DLGAP1: variants seen among roughly 807,000 people sequenced by gnomAD.
The protein encoded by DLGAP1 is DLG associated protein 1, also known as disks large-associated protein 1.
DLGAP1 carries 11 observed loss-of-function variants against 90.8 expected under a neutral mutation model. That is an observed-to-expected ratio of 0.12 (90% CI 0.08 to 0.20). The LOEUF (loss-of-function observed/expected upper bound fraction) is 0.20. Among genes scored for constraint, DLGAP1 ranks in the 10% least tolerant of loss-of-function variants. The pLI, the probability that DLGAP1 is intolerant of heterozygous loss-of-function variation, is 1.00. For missense variants in DLGAP1, 1,050 were observed against 1,333.8 expected (o/e 0.79, Z 3.31); for synonymous variants, 558 against 540.7 (o/e 1.03, Z -0.44).
chr18:4,382,050 C>T (rs2082134562), intron 1 of DLGAP1, among the ~76,000 whole-genome samples: 1 of 152,254 alleles, frequency 6.6e-6, no homozygotes, highest in East Asian at 1.9e-4. Flanking sequence ...GACTTGCCCC[C>T]ATGATTCAAT....
rs1236397671 is a variant in DLGAP1, at chr18:3,772,380, CTT to C, written c.1173-29870_1173-29869del. Among the ~76,000 whole-genome samples, 169 of 29,224 alleles carry C rather than the reference CTT, an allele frequency of 5.8e-3. 17 individuals are homozygous for C. In the South Asian group the frequency reaches 0.078, roughly 14 times the overall value. 19.2% of individuals were successfully genotyped at this position (29,224 alleles called of 152,430 possible). Reference sequence around the variant, plus strand: ...TCTTTCTTTCTTTCTTTCTTTCTTTCTTTCTTTCTTTCTTTCTTTCTTTCTTT... The same window carrying C: ...TCTTTCTTTCTTTCTTTCTTTCTTTCTCTTTCTTTCTTTCTTTCTTTCTTT... On this transcript the variant is annotated intron_variant, in intron 5 of 12. Transcript: ENST00000315677.
chr18:4,298,405 G>C (rs1237103652), intron 1 of DLGAP1, among the ~76,000 whole-genome samples: 1 of 152,138 alleles, frequency 6.6e-6, no homozygotes, highest in Admixed American at 6.5e-5. Flanking sequence ...CTGGGGAATA[G>C]TTAAAGAAGC....
chr18:4,343,748 TG>T (rs2081251272), intron 1 of DLGAP1, among the ~76,000 whole-genome samples: 1 of 152,142 alleles, frequency 6.6e-6, no homozygotes, highest in Admixed American at 6.6e-5. Flanking sequence ...TGTATACCTA[TG>T]TAACAAACCT....
chr18:3,832,668 C>CTTT (rs531665859), intron 4 of DLGAP1, among the ~76,000 whole-genome samples: 4 of 142,628 alleles, frequency 2.8e-5, no homozygotes, highest in Admixed American at 2.8e-4. Flanking sequence ...AGAGAACCTT[C>CTTT]TTTTTTTTTT....
intron 11 of DLGAP1, among the ~76,000 whole-genome samples, chr18:3,503,848 C>T (rs1191716212): frequency 6.6e-6 from 1 of 152,216 alleles, no homozygotes; most frequent in Non-Finnish European, 1.5e-5. Context: ...GTAATCCCAG[C>T]ACTTTGGGAG....
At chr18:4,442,918 A>C (rs2083570637) in intron 1 of DLGAP1, among the ~76,000 whole-genome samples, 1 of 152,226 alleles carries the variant, frequency 6.6e-6, no homozygotes, top group Non-Finnish European at 1.5e-5. Flanking sequence ...GGCTGAACTC[A>C]AAGCACCTAG....
At chr18:3,977,887 T>C (rs1049651247) in intron 3 of DLGAP1, 10 of 376,582 alleles carry the variant, frequency 2.7e-5, no homozygotes, top group African/African-American at 2.1e-4. Flanking sequence ...GATGTCATCA[T>C]ATCTGGCAGG....
At chr18:4,268,368 G>T (rs770261886) in intron 1 of DLGAP1, among the ~76,000 whole-genome samples, 1 of 152,144 alleles carries the variant, frequency 6.6e-6, no homozygotes, top group Non-Finnish European at 1.5e-5. Context: ...TAGAAAGTAT[G>T]CCGGGGAAGA....
At chr18:3,694,948 T>TG (rs1209835514) in intron 7 of DLGAP1, among the ~76,000 whole-genome samples, 87 of 148,360 alleles carry the variant, frequency 5.9e-4, no homozygotes, top group East Asian at 1.8e-3. Context: ...TGTTTTTTTT[T>TG]TTTTTTTTTG....
intron 10 of DLGAP1, among the ~76,000 whole-genome samples, chr18:3,532,308 A>G (rs140076664): frequency 0.055 from 8,329 of 151,750 alleles, 415 homozygotes; most frequent in African/African-American, 0.13. Context: ...GGCCGGGCAC[A>G]GTGGCTTATG....
At chr18:4,002,453 C>T (rs1280062290) in intron 3 of DLGAP1, among the ~76,000 whole-genome samples, 2 of 46,934 alleles carry the variant, frequency 4.3e-5, no homozygotes, top group African/African-American at 1.3e-4. Context: ...CATCAGCCTA[C>T]TCAACGTGAG....
At chr18:3,891,689 A>G (rs1211467497) in intron 3 of DLGAP1, among the ~76,000 whole-genome samples, 1 of 152,238 alleles carries the variant, frequency 6.6e-6, no homozygotes, top group Non-Finnish European at 1.5e-5. Flanking sequence ...CAAACAACCC[A>G]ATATGGTACG....
intron 7 of DLGAP1, among the ~76,000 whole-genome samples, chr18:3,619,742 CTTTTT>C (rs10625913): frequency 3.6e-5 from 4 of 112,416 alleles, no homozygotes; most frequent in African/African-American, 1.0e-4. Context: ...TAGTTTTTTC[CTTTTT>C]TTTTTTTTTT....
chr18:3,990,027 T>C (rs1436435773), intron 3 of DLGAP1, among the ~76,000 whole-genome samples: 3 of 152,072 alleles, frequency 2.0e-5, no homozygotes, highest in Non-Finnish European at 4.4e-5. Flanking sequence ...ACTTTTACAC[T>C]GTTGGTGGGA....
chr18:4,079,697 T>C (rs1188345264), intron 2 of DLGAP1, among the ~76,000 whole-genome samples: 1 of 148,994 alleles, frequency 6.7e-6, no homozygotes, highest in Non-Finnish European at 1.5e-5. Context: ...ATTAAATATA[T>C]ATATATATAT....
At chr18:4,319,223 C>T (rs1434350306) in intron 1 of DLGAP1, among the ~76,000 whole-genome samples, 1 of 152,138 alleles carries the variant, frequency 6.6e-6, no homozygotes, top group African/African-American at 2.4e-5. Flanking sequence ...TAAGAGCTAC[C>T]TCTGTGGTAA....
chr18:3,726,216 T>G (rs1568021480), intron 7 of DLGAP1, among the ~76,000 whole-genome samples: 1 of 152,224 alleles, frequency 6.6e-6, no homozygotes, highest in Non-Finnish European at 1.5e-5. Context: ...GATGTGCATC[T>G]GACCCGTGCA....
intron 1 of DLGAP1, among the ~76,000 whole-genome samples, chr18:4,380,741 T>C (rs908775625): frequency 1.3e-5 from 2 of 152,340 alleles, no homozygotes; most frequent in Admixed American, 1.3e-4. Flanking sequence ...TCGGCTTGTA[T>C]ACTAATTAAC....
chr18:3,840,840 C>T (rs532255735), intron 4 of DLGAP1, among the ~76,000 whole-genome samples: 2 of 152,318 alleles, frequency 1.3e-5, no homozygotes, highest in East Asian at 3.9e-4. Flanking sequence ...AAAGAGCATT[C>T]AAATCTAGGT....
Sources: allele counts gnomAD v4.1 joint callset (sites outside exome capture counted in the v4.1 genomes callset), GRCh38; gene constraint gnomAD v4.1.1; transcripts MANE v1.5; gene names NCBI Gene and HGNC (gene_info 2026-07-23, HGNC 2026-07-21).